Variants in PSMF1 observed in about 807,000 individuals in gnomAD.
The protein encoded by PSMF1 is proteasome inhibitor subunit 1, also known as proteasome inhibitor PI31 subunit.
A neutral mutation model predicts 29.3 loss-of-function variants in PSMF1; 30 were observed. The observed-to-expected ratio is 1.02, with a 90% CI of 0.77 to 1.39. PSMF1 has a LOEUF of 1.39. Among genes scored for constraint, PSMF1 ranks in the 40% most tolerant of loss-of-function variants. PSMF1 has a pLI of 0.00. For synonymous variants in PSMF1, 134 were observed against 139.7 expected (o/e 0.96, Z 0.29); for missense variants, 344 against 357.5 (o/e 0.96, Z 0.31).
chr20:1,169,639 A>G lies in PSMF1; in HGVS notation c.*4559A>G, dbSNP rs141863026. On this transcript the variant is annotated 3_prime_UTR_variant, in exon 7 of 7. Transcript: ENST00000335877. ...GCAGCAGGATCACATCATCATTGCT[A>G]CAATCTGGGGATTAGGAACTCCAGA... Among the ~76,000 whole-genome samples, 293 of 152,296 alleles carry G rather than the reference A, an allele frequency of 1.9e-3. No homozygotes were observed. The highest frequency in any genetic ancestry group is 6.5e-3 in the African/African-American group (271 of 41,556).
At position 1,168,942 on chromosome 20, in the gene PSMF1, C is replaced by T. The variant is rs918125919; in HGVS notation, c.*3862C>T. 2.6e-5 allele frequency among the ~76,000 whole-genome samples: 4 copies of T among 152,002 alleles called. No homozygotes were observed. The highest frequency in any genetic ancestry group is 9.7e-5 in the African/African-American group (4 of 41,360). On this transcript the variant is annotated 3_prime_UTR_variant, in exon 7 of 7. Transcript: ENST00000335877. The stretch of plus-strand genomic sequence containing the variant: ...ATAAACCACTATTGACTTTTTGCAC[C>T]AAAGGAGATATTCAAGGACAGACAT...
chr20:1,168,652 G>C lies in PSMF1; in HGVS notation c.*3572G>C, dbSNP rs116877683. Reference sequence around the variant, plus strand: ...GTCAGTGGTTGTTGACATGTAGTTAGAAAATAGGTAGCAAGTTCCACGCAG... The same window carrying C: ...GTCAGTGGTTGTTGACATGTAGTTACAAAATAGGTAGCAAGTTCCACGCAG... On this transcript the variant is annotated 3_prime_UTR_variant, in exon 7 of 7. Transcript: ENST00000335877. Among the ~76,000 whole-genome samples the C allele has an allele frequency of 0.012, 1,807 of 152,290 alleles. 17 individuals carry two copies. The highest frequency in any genetic ancestry group is 0.02 in the Non-Finnish European group (1,369 of 68,022).
In PSMF1 at chr20:1,171,219, A is replaced by G. The variant is rs2086787171; in HGVS notation, c.*6139A>G. On this transcript the variant is annotated 3_prime_UTR_variant, in exon 7 of 7. Transcript: ENST00000335877. ...CTCCTGAGTACCTCCACCTGCAGCC[A>G]CAGTGCCCAGAGCACCTGGTTAGGA... 6.6e-6 allele frequency among the ~76,000 whole-genome samples: 1 copy of G among 152,142 alleles called. No individual in the cohort carries two copies. The highest frequency in any genetic ancestry group is 2.1e-4 in the South Asian group (1 of 4,828).
At chr20:1,136,995 A>G (rs112857279) in intron 4 of PSMF1, among the ~76,000 whole-genome samples, 2,589 of 152,364 alleles carry the variant, frequency 0.017, 31 homozygotes, top group South Asian at 0.046. Context: ...CTCCATGAGT[A>G]TCTAACAAGA....
At position 1,165,393 on chromosome 20, in the gene PSMF1, C is replaced by CAGGATGCTATA; in HGVS notation, c.*315_*316insGATGCTATAAG. 1 of 1,273,934 alleles carries CAGGATGCTATA rather than the reference C, an allele frequency of 7.8e-7. No individual in the cohort carries two copies. The highest frequency in any genetic ancestry group is 9.9e-7 in the Non-Finnish European group (1 of 1,007,020). The allele number at this position is 1,273,934 out of a possible 1,614,324, so 78.9% of individuals were successfully genotyped here. On this transcript the variant is annotated 3_prime_UTR_variant, in exon 7 of 7. Coordinates refer to ENST00000335877, the MANE Select transcript of PSMF1 (RefSeq NM_006814.5). ...ACCTTCAGCAACATATATCCTCGAC[C>CAGGATGCTATA]AGATGCAGTGCTATAAGAACAGAAC...
At chr20:1,162,973 A>T (rs1369029621) in intron 4 of PSMF1, among the ~76,000 whole-genome samples, 157 bp from the exon 5 acceptor site, 1 of 152,130 alleles carries the variant, frequency 6.6e-6, no homozygotes, top group African/African-American at 2.4e-5. Flanking sequence ...TTGTAGGATT[A>T]TCATTGTTCA....
intron 3 of PSMF1, among the ~76,000 whole-genome samples, chr20:1,129,504 G>A (rs990626383): frequency 6.6e-6 from 1 of 152,170 alleles, no homozygotes; most frequent in Admixed American, 6.5e-5. Flanking sequence ...CAGCTTCTGT[G>A]TGAGGAGGTC....
chr20:1,118,860 A>G lies in PSMF1; in HGVS notation c.87A>G (p.Glu29=), dbSNP rs755093541. 6.2e-7 allele frequency: 1 copy of G among 1,613,962 alleles called. No homozygotes were observed. Among genetic ancestry groups the G allele is most frequent in the African/African-American group, 1.3e-5 (1 of 74,940 alleles). The part of the protein sequence containing the change: ...QDALVCFLHW[E]VVTHGYFGLG... Reference sequence around the variant, plus strand: ...CGCTCGTCTGCTTCTTGCATTGGGAAGTGGTGACACACGGTTACTTCGGCT... The same window carrying G: ...CGCTCGTCTGCTTCTTGCATTGGGAGGTGGTGACACACGGTTACTTCGGCT... Residue 29 remains glutamate (E), a synonymous_variant, in exon 1 of 7, where the codon GAA becomes GAG. Coordinates refer to ENST00000335877, the MANE Select transcript of PSMF1 (RefSeq NM_006814.5).
At chr20:1,141,957 G>T (rs959617094) in intron 4 of PSMF1, among the ~76,000 whole-genome samples, 1 of 152,204 alleles carries the variant, frequency 6.6e-6, no homozygotes, top group Non-Finnish European at 1.5e-5. Context: ...AATGGCTCAC[G>T]CCTGTAATCC....
In PSMF1 at chr20:1,129,793, C is replaced by G. The variant is rs566661361; in HGVS notation, c.365+2285C>G. Among the ~76,000 whole-genome samples the G allele has an allele frequency of 2.0e-4, 30 of 152,328 alleles. 1 individual carries two copies. The South Asian group carries it at 6.2e-3, about 32-fold the overall frequency. ...AATATGACAGTTCTTCAAAAAATTA[C>G]CGTATAATCCTGCATGTCCACTTCC... On this transcript the variant is annotated intron_variant, in intron 3 of 6. Coordinates refer to ENST00000335877, the MANE Select transcript of PSMF1 (RefSeq NM_006814.5).
chr20:1,165,225 C>T lies in PSMF1; in HGVS notation c.*145C>T. 6.8e-7 allele frequency: 1 copy of T among 1,469,640 alleles called. No individual in the cohort carries two copies. Among genetic ancestry groups the T allele is most frequent in the Non-Finnish European group, 9.0e-7 (1 of 1,110,610 alleles). 91.0% of individuals were successfully genotyped at this position (1,469,640 alleles called of 1,614,324 possible). ...AGACCGGCTGGGATAGCCTCCCCAC[C>T]CCTTATCAGAGCCAAGACACCTGCT... On this transcript the variant is annotated 3_prime_UTR_variant, in exon 7 of 7. Coordinates refer to ENST00000335877, the MANE Select transcript of PSMF1 (RefSeq NM_006814.5).
chr20:1,145,147 A>G (rs1268770162), intron 4 of PSMF1, among the ~76,000 whole-genome samples: 1 of 152,198 alleles, frequency 6.6e-6, no homozygotes, highest in African/African-American at 2.4e-5. Flanking sequence ...CAGCCTCTCA[A>G]AGGGCTGGGA....
Position 1,163,113 on chromosome 20 carries a change from T to G in PSMF1, c.552-17T>G. 1 of 1,614,040 alleles carries G rather than the reference T, an allele frequency of 6.2e-7. No homozygotes were observed. Among genetic ancestry groups the G allele is most frequent in the Non-Finnish European group, 8.5e-7 (1 of 1,179,972 alleles). On this transcript the variant is annotated splice_polypyrimidine_tract_variant and intron_variant, in intron 4 of 6. Coordinates refer to ENST00000335877, the MANE Select transcript of PSMF1 (RefSeq NM_006814.5). This position sits in a 1 kb window ranked among gnomAD's most constrained non-coding sequence, Gnocchi z 6.1. ...GCTGCTCTGGGACTTGCAGTAATTG[T>G]CTCTTGTTTGTTTCAGGTGTGATCC...
chr20:1,154,988 G>A (rs957684067), intron 4 of PSMF1, among the ~76,000 whole-genome samples: 1 of 152,186 alleles, frequency 6.6e-6, no homozygotes, highest in Non-Finnish European at 1.5e-5. Flanking sequence ...ATGCCATCCT[G>A]AGTTTCCTAT....
At chr20:1,132,927 A>ATCC in intron 3 of PSMF1, among the ~76,000 whole-genome samples, 1 of 144,286 alleles carries the variant, frequency 6.9e-6, no homozygotes, top group Non-Finnish European at 1.5e-5. Context: ...GAACTCTTCT[A>ATCC]TCCTGTCACC....
Position 1,163,211 on chromosome 20 carries a change from A to G in PSMF1, c.605+28A>G. On this transcript the variant is annotated intron_variant, in intron 5 of 6. Coordinates refer to ENST00000335877, the MANE Select transcript of PSMF1 (RefSeq NM_006814.5). The surrounding 1 kb of genome is among the most constrained non-coding windows in gnomAD (Gnocchi z 6.1). ...GAGTACTGCTGGGGAGGTGGCAGCA[A>G]CACAACTTGCTTTTGTGGCTTTTCA... 2.5e-6 allele frequency: 4 copies of G among 1,612,214 alleles called. No individual in the cohort carries two copies. The highest frequency in any genetic ancestry group is 3.4e-6 in the Non-Finnish European group (4 of 1,178,442).
At chr20:1,133,943 A>T (rs1279222844) in intron 3 of PSMF1, among the ~76,000 whole-genome samples, 1 of 151,846 alleles carries the variant, frequency 6.6e-6, no homozygotes, top group Non-Finnish European at 1.5e-5. Flanking sequence ...GTGGCTACAG[A>T]TCTATTGTAA....
At chr20:1,151,595 A>G (rs2086531477) in intron 4 of PSMF1, among the ~76,000 whole-genome samples, 1 of 152,206 alleles carries the variant, frequency 6.6e-6, no homozygotes, top group Non-Finnish European at 1.5e-5. Context: ...ATCATGTGCC[A>G]CTTACTGGGA....
rs530796104 is a variant in PSMF1, at chr20:1,171,843, C to T, written c.*6763C>T. Among the ~76,000 whole-genome samples, 3 of 152,356 alleles carry T rather than the reference C, an allele frequency of 2.0e-5. No homozygotes were observed. Among genetic ancestry groups the T allele is most frequent in the African/African-American group, 7.2e-5 (3 of 41,580 alleles). On this transcript the variant is annotated 3_prime_UTR_variant, in exon 7 of 7. Coordinates refer to ENST00000335877, the MANE Select transcript of PSMF1 (RefSeq NM_006814.5). ...GCCACCCAATACAGAGCCCTGCCCT[C>T]TCCCTCTCCTTCAGAAGGAAGTATG...
Sources: gnomAD v4.1 joint callset for allele counts (sites outside exome capture counted in the v4.1 genomes callset) on GRCh38, gnomAD v4.1.1 for gene constraint, Gnocchi (gnomAD v3.1) non-coding constraint, MANE v1.5 for transcripts, NCBI Gene and HGNC (gene_info 2026-07-23, HGNC 2026-07-21) for gene names.